SULF1: variants seen among roughly 807,000 people sequenced by gnomAD.
The protein encoded by SULF1 is sulfatase 1.
In SULF1, 46 loss-of-function variants were observed where a neutral mutation model predicts 110.5. The observed-to-expected ratio is 0.42, with a 90% confidence interval of 0.33 to 0.53. The LOEUF (loss-of-function observed/expected upper bound fraction) is 0.53, where lower values mean the gene tolerates loss of function less well. Ranked by LOEUF, SULF1 falls within the 20% of genes least tolerant of loss-of-function variation. The probability of loss-of-function intolerance (pLI) is 0.12; values close to 1 mark genes in which losing one functional copy is unlikely to be tolerated. For synonymous variants in SULF1, 371 were observed against 387.1 expected (o/e 0.96, Z 0.49); for missense variants, 941 against 1,094.2 (o/e 0.86, Z 1.98).
At position 69,532,915 on chromosome 8, in the gene SULF1, A is replaced by G. The variant is rs554255247; in HGVS notation, c.-133-30624A>G. ...CTATTCTAGGTATCTCATATAAGTG[A>G]AATCATACAGTAAAATTATTAGAAC... On this transcript the variant is annotated intron_variant, in intron 3 of 22. Transcript: ENST00000402687. Among the ~76,000 whole-genome samples, 3 of 152,316 alleles carry G rather than the reference A, an allele frequency of 2.0e-5. No individual in the cohort carries two copies. In the South Asian group the frequency reaches 6.2e-4, roughly 32 times the overall value.
At chr8:69,645,914 A>T (rs1483106368) in intron 22 of SULF1, among the ~76,000 whole-genome samples, 1 of 151,766 alleles carries the variant, frequency 6.6e-6, no homozygotes, top group Admixed American at 6.6e-5. Context: ...ATTATTATTT[A>T]TATTAATTCT....
At chr8:69,503,600 G>T (rs1460800069) in intron 3 of SULF1, among the ~76,000 whole-genome samples, 1 of 152,082 alleles carries the variant, frequency 6.6e-6, no homozygotes. Flanking sequence ...CTAGCCTGAT[G>T]CATCAATTTT....
chr8:69,605,082 G>T, intron 13 of SULF1, 150 bp downstream of exon 13: 1 of 1,105,572 alleles, frequency 9.0e-7, no homozygotes, highest in South Asian at 1.7e-5. Flanking sequence ...ACCTCTCCGC[G>T]GACAGAATTA....
At chr8:69,587,879 A>AAT (rs1415585668) in intron 7 of SULF1, among the ~76,000 whole-genome samples, 1 of 152,190 alleles carries the variant, frequency 6.6e-6, no homozygotes, top group African/African-American at 2.4e-5. Context: ...GTCTGAAAAG[A>AAT]ATATATATCT....
At chr8:69,629,249 A>T (rs1302462301) in intron 18 of SULF1, among the ~76,000 whole-genome samples, 1 of 151,964 alleles carries the variant, frequency 6.6e-6, no homozygotes, top group African/African-American at 2.4e-5. Flanking sequence ...GGCCAAACTG[A>T]TCTCAAACTC....
intron 3 of SULF1, among the ~76,000 whole-genome samples, chr8:69,537,242 G>T (rs561176454): frequency 3.3e-5 from 5 of 152,212 alleles, no homozygotes; most frequent in Non-Finnish European, 7.4e-5. Flanking sequence ...GGGATTTCTG[G>T]GCATCCCTGA....
At chr8:69,467,166 A>G (rs1327177059) in intron 1 of SULF1, 7 of 152,212 alleles carry the variant, frequency 4.6e-5, no homozygotes, top group Non-Finnish European at 8.8e-5. Context: ...TGTAGCTAAG[A>G]AAATACCTTT....
intron 3 of SULF1, among the ~76,000 whole-genome samples, chr8:69,545,080 G>T (rs1814154984): frequency 8.5e-6 from 1 of 117,034 alleles, no homozygotes; most frequent in Admixed American, 1.0e-4. Flanking sequence ...AAAGATAAAG[G>T]AATTCTTTTT....
chr8:69,554,400 G>T (rs1334188897), intron 3 of SULF1, among the ~76,000 whole-genome samples: 1 of 152,102 alleles, frequency 6.6e-6, no homozygotes, highest in Non-Finnish European at 1.5e-5. Flanking sequence ...AACACTTTAG[G>T]ATGCTAATGT....
At chr8:69,498,165 A>G (rs12541782) in intron 2 of SULF1, among the ~76,000 whole-genome samples, 23,085 of 151,368 alleles carry the variant, frequency 0.15, 2,069 homozygotes, top group Non-Finnish European at 0.21. Flanking sequence ...GCACACACAC[A>G]TCAGAGCTGT....
At chr8:69,506,995 G>A (rs923345259) in intron 3 of SULF1, among the ~76,000 whole-genome samples, 10 of 152,308 alleles carry the variant, frequency 6.6e-5, no homozygotes, top group African/African-American at 2.4e-4. Flanking sequence ...AAGGGGCCGT[G>A]CTCACATGAA....
At position 69,658,934 on chromosome 8, in the gene SULF1, A is replaced by G. The variant is rs1297323012; in HGVS notation, c.*399A>G. 1 of 464,352 alleles carries G rather than the reference A, an allele frequency of 2.2e-6. No individual in the cohort carries two copies. Among genetic ancestry groups the G allele is most frequent in the Non-Finnish European group, 4.3e-6 (1 of 231,986 alleles). 28.8% of individuals were successfully genotyped at this position (464,352 alleles called of 1,614,324 possible). ...CTTGAATGGAATAACGACATTCCAG[A>G]AGTTAATCATTTGAATTCTGAACAC... On this transcript the variant is annotated 3_prime_UTR_variant, in exon 23 of 23. Coordinates refer to ENST00000402687, the MANE Select transcript of SULF1 (RefSeq NM_001128205.2).
At chr8:69,493,249 T>G (rs1036603653) in intron 1 of SULF1, 124 bp downstream of exon 1, 1 of 152,638 alleles carries the variant, frequency 6.6e-6, no homozygotes, top group Non-Finnish European at 1.5e-5. Flanking sequence ...TCTCAGATGA[T>G]GGAAAGTATG....
At chr8:69,481,520 G>A (rs1447204155) in intron 1 of SULF1, among the ~76,000 whole-genome samples, 3 of 152,098 alleles carry the variant, frequency 2.0e-5, no homozygotes, top group African/African-American at 4.8e-5. Flanking sequence ...ATAGGTAAAC[G>A]TGTGCCATGG....
intron 15 of SULF1, among the ~76,000 whole-genome samples, chr8:69,626,535 G>A (rs1020206219): frequency 2.6e-5 from 4 of 152,250 alleles, no homozygotes; most frequent in Non-Finnish European, 4.4e-5. Flanking sequence ...AGAGCAGGGG[G>A]TGGTGCTCGT....
At chr8:69,610,580 C>T (rs1808563582) in intron 13 of SULF1, among the ~76,000 whole-genome samples, 1 of 152,210 alleles carries the variant, frequency 6.6e-6, no homozygotes, top group African/African-American at 2.4e-5. Context: ...TTGTGGACCA[C>T]TCAGCCTTTA....
chr8:69,579,379 T>G (rs546706827), intron 6 of SULF1, among the ~76,000 whole-genome samples: 20 of 151,608 alleles, frequency 1.3e-4, no homozygotes, highest in African/African-American at 4.8e-4. Context: ...CAAAACCCCA[T>G]CTCTACTGAA....
upstream of SULF1, among the ~76,000 whole-genome samples, chr8:69,489,989 C>A (rs142901841): frequency 7.9e-5 from 12 of 152,212 alleles, no homozygotes; most frequent in African/African-American, 2.9e-4. Flanking sequence ...AACTACTGGC[C>A]TCTTGCATCC....
intron 13 of SULF1, among the ~76,000 whole-genome samples, chr8:69,612,950 T>A (rs182002832): frequency 3.4e-4 from 51 of 152,230 alleles, no homozygotes; most frequent in Non-Finnish European, 6.8e-4. Context: ...CTAGAAGAGT[T>A]TTTCCAATGT....
Sources: gnomAD v4.1 joint callset for allele counts (sites outside exome capture counted in the v4.1 genomes callset) on GRCh38, gnomAD v4.1.1 for gene constraint, MANE v1.5 for transcripts, NCBI Gene and HGNC (gene_info 2026-07-23, HGNC 2026-07-21) for gene names.